KIAA1328: variants seen among roughly 807,000 people sequenced by gnomAD.
The protein encoded by KIAA1328 is KIAA1328.
KIAA1328 carries 52 observed loss-of-function variants against 68.1 expected under a neutral mutation model. The observed-to-expected ratio is 0.76, with a 90% CI of 0.61 to 0.96. The LOEUF is 0.96. Among genes scored for constraint, KIAA1328 ranks in the 40% least tolerant of loss-of-function variants. The pLI is 0.00. For missense variants in KIAA1328, 641 were observed against 677.6 expected (o/e 0.95, Z 0.60); for synonymous variants, 232 against 239.4 (o/e 0.97, Z 0.28).
At chr18:37,084,281 T>G (rs2057033782) in intron 7 of KIAA1328, 1 of 1,090,892 alleles carries the variant, frequency 9.2e-7, no homozygotes, top group South Asian at 1.8e-5. Context: ...GCATAAATAT[T>G]TAGGATACGT....
intron 9 of KIAA1328, among the ~76,000 whole-genome samples, chr18:37,193,991 G>A (rs1395954596): frequency 1.3e-5 from 2 of 152,088 alleles, no homozygotes; most frequent in Admixed American, 6.6e-5. Flanking sequence ...TTATATGCAC[G>A]TACCACAATG....
intron 6 of KIAA1328, among the ~76,000 whole-genome samples, chr18:36,961,093 A>T (rs1282866495): frequency 2.6e-5 from 4 of 152,230 alleles, no homozygotes; most frequent in African/African-American, 9.6e-5. Flanking sequence ...ATGGCTAACT[A>T]GAATAAACAC....
At chr18:36,831,398 C>T (rs1052619088) in intron 1 of KIAA1328, among the ~76,000 whole-genome samples, 1 of 152,136 alleles carries the variant, frequency 6.6e-6, no homozygotes, top group Non-Finnish European at 1.5e-5. Context: ...AGTACCTCAT[C>T]TGTAAACAAT....
chr18:37,161,142 C>G (rs1467981562), intron 8 of KIAA1328, among the ~76,000 whole-genome samples: 6 of 152,152 alleles, frequency 3.9e-5, no homozygotes, highest in Non-Finnish European at 7.4e-5. Context: ...TTTCCCTTCT[C>G]AAAACCATTA....
intron 9 of KIAA1328, among the ~76,000 whole-genome samples, chr18:37,175,659 A>T (rs561328333): frequency 3.3e-5 from 5 of 152,232 alleles, no homozygotes; most frequent in South Asian, 4.1e-4. Flanking sequence ...GGCTTTCCAG[A>T]TTTCAGAATC....
At chr18:37,147,016 G>A (rs2058918443) in intron 7 of KIAA1328, among the ~76,000 whole-genome samples, 1 of 152,076 alleles carries the variant, frequency 6.6e-6, no homozygotes, top group African/African-American at 2.4e-5. Context: ...TGGTTGTTCA[G>A]AAGAGCTGAC....
chr18:36,829,375 C>T (rs1430908491), intron 1 of KIAA1328, 179 bp downstream of exon 1: 2 of 1,375,362 alleles, frequency 1.5e-6, no homozygotes, highest in Non-Finnish European at 9.3e-7. Flanking sequence ...GTTAGGTGGC[C>T]GAGAGACTGG....
chr18:36,979,762 C>T (rs1006367372), intron 6 of KIAA1328, among the ~76,000 whole-genome samples: 4 of 152,084 alleles, frequency 2.6e-5, no homozygotes, highest in African/African-American at 4.8e-5. Context: ...GAAGACTCAA[C>T]CCACATGTCA....
intron 9 of KIAA1328, among the ~76,000 whole-genome samples, chr18:37,188,891 C>T (rs1199854595): frequency 6.6e-6 from 1 of 152,154 alleles, no homozygotes; most frequent in Non-Finnish European, 1.5e-5. Flanking sequence ...AATTTCACGC[C>T]TTGCAGACTT....
At chr18:36,935,327 T>C (rs1219793136) in intron 5 of KIAA1328, among the ~76,000 whole-genome samples, 2 of 152,196 alleles carry the variant, frequency 1.3e-5, no homozygotes, top group Non-Finnish European at 2.9e-5. Context: ...CCTCTTCTCC[T>C]TTTACCCTGA....
At chr18:36,984,776 C>T (rs1003358201) in intron 6 of KIAA1328, among the ~76,000 whole-genome samples, 1 of 151,704 alleles carries the variant, frequency 6.6e-6, no homozygotes. Context: ...TGTGATGGTG[C>T]ATGCCCGTAG....
chr18:37,203,150 T>G (rs1308233361), intron 9 of KIAA1328, among the ~76,000 whole-genome samples: 1 of 151,850 alleles, frequency 6.6e-6, no homozygotes, highest in Non-Finnish European at 1.5e-5. Flanking sequence ...AAGAGAAAAC[T>G]AAATTCTACC....
intron 6 of KIAA1328, among the ~76,000 whole-genome samples, chr18:37,000,230 C>T (rs766335013): frequency 2.0e-5 from 3 of 151,972 alleles, no homozygotes; most frequent in African/African-American, 2.4e-5. Context: ...ATAAAACAGA[C>T]GTTAAGTCAA....
chr18:37,150,794 C>T (rs2059012048), intron 7 of KIAA1328, among the ~76,000 whole-genome samples: 1 of 152,080 alleles, frequency 6.6e-6, no homozygotes, highest in Admixed American at 6.5e-5. Context: ...TGACATAACT[C>T]ATCCAGTGCT....
intron 7 of KIAA1328, among the ~76,000 whole-genome samples, chr18:37,124,405 G>A (rs1001712131): frequency 5.9e-5 from 9 of 151,298 alleles, no homozygotes; most frequent in South Asian, 2.1e-4. Context: ...TCATCCCTCC[G>A]TTATCATGAC....
chr18:37,178,444 T>G (rs1220557434), intron 9 of KIAA1328, among the ~76,000 whole-genome samples: 1 of 152,224 alleles, frequency 6.6e-6, no homozygotes, highest in African/African-American at 2.4e-5. Context: ...CTGAATAGTA[T>G]TCACTGTGTA....
intron 9 of KIAA1328, chr18:37,193,700 T>G (rs1309593342): frequency 1.4e-6 from 1 of 694,516 alleles, no homozygotes; most frequent in African/African-American, 1.8e-5. Context: ...TTAAGGTATT[T>G]CATGTCCAGC....
intron 6 of KIAA1328, among the ~76,000 whole-genome samples, chr18:37,011,036 A>G (rs929903986): frequency 5.3e-5 from 8 of 152,166 alleles, no homozygotes; most frequent in Non-Finnish European, 1.0e-4. Flanking sequence ...AGATACAAGA[A>G]GCTTAGTGCA....
rs2053719776 is a variant in KIAA1328, at chr18:37,004,855, G to A, written c.576+45420G>A. Among the ~76,000 whole-genome samples the A allele has an allele frequency of 2.0e-5, 3 of 152,198 alleles. No individual in the cohort carries two copies. The South Asian group carries it at 6.2e-4, about 32-fold the overall frequency. On this transcript the variant is annotated intron_variant, in intron 6 of 9. Coordinates refer to ENST00000280020, the MANE Select transcript of KIAA1328 (RefSeq NM_020776.3). ...GCAAAAATATGGAACCAGCCCAGAT[G>A]CCCATCAGTCAATGAGTGGATAAAT...
Sources: gnomAD v4.1 joint callset for allele counts (sites outside exome capture counted in the v4.1 genomes callset) on GRCh38, gnomAD v4.1.1 for gene constraint, MANE v1.5 for transcripts, NCBI Gene and HGNC (gene_info 2026-07-23, HGNC 2026-07-21) for gene names.